CCDC171: variants seen among roughly 807,000 people sequenced by gnomAD.
CCDC171 encodes the protein coiled-coil domain containing 171, also known as coiled-coil domain-containing protein 171.
Under a neutral mutation model 168.2 loss-of-function variants are expected in CCDC171, and 177 were observed. The ratio of observed to expected loss-of-function variants is 1.05; its 90% CI spans 0.93 to 1.19. The LOEUF is 1.19. Ranked by LOEUF, CCDC171 falls within the 50% of genes most tolerant of loss-of-function variation. CCDC171 has a pLI of 0.00. For synonymous variants in CCDC171, 687 were observed against 540.8 expected (o/e 1.27, Z -3.75); for missense variants, 1,991 against 1,539.0 (o/e 1.29, Z -4.91).
intron 6 of CCDC171, among the ~76,000 whole-genome samples, chr9:15,622,363 A>C (rs1245886631): frequency 2.0e-5 from 3 of 152,218 alleles, no homozygotes; most frequent in Admixed American, 2.0e-4. Context: ...TTCACTGTGG[A>C]CTTAGGATGC....
intron 21 of CCDC171, among the ~76,000 whole-genome samples, chr9:15,831,823 T>TTTTTTTTTTTTTTTTTGAGACGG (rs2060245027): frequency 6.6e-6 from 1 of 151,872 alleles, no homozygotes; most frequent in African/African-American, 2.4e-5. Context: ...AACTGCCTTT[T>TTTTTTTTTTTTTTTTTGAGACGG]AAAAAATGTT....
intron 21 of CCDC171, among the ~76,000 whole-genome samples, chr9:15,813,793 T>C (rs1021294938): frequency 2.6e-5 from 4 of 152,220 alleles, no homozygotes; most frequent in Non-Finnish European, 4.4e-5. Context: ...ATTAGGTTTT[T>C]GTCAATTTTT....
At chr9:16,021,012 CG>C (rs1211393047) in intron 4 of CCDC171, among the ~76,000 whole-genome samples, 1 of 152,202 alleles carries the variant, frequency 6.6e-6, no homozygotes, top group African/African-American at 2.4e-5. Flanking sequence ...CAAAGACAAA[CG>C]CAAGTATTGC....
intron 20 of CCDC171, among the ~76,000 whole-genome samples, chr9:15,781,035 T>C (rs1453038040): frequency 6.6e-6 from 1 of 152,228 alleles, no homozygotes; most frequent in East Asian, 1.9e-4. Flanking sequence ...CAGTCATTTA[T>C]GCAATTTGAG....
intron 10 of CCDC171, among the ~76,000 whole-genome samples, chr9:15,692,382 C>G (rs572171826): frequency 2.7e-5 from 4 of 150,814 alleles, no homozygotes; most frequent in African/African-American, 9.7e-5. Flanking sequence ...AAAAAAAAGA[C>G]AAGTCATTTT....
chr9:15,706,004 C>A (rs2052189788), intron 11 of CCDC171, among the ~76,000 whole-genome samples: 1 of 152,140 alleles, frequency 6.6e-6, no homozygotes, highest in Non-Finnish European at 1.5e-5. Context: ...GAAAGATTGA[C>A]CTCCAGTGGA....
rs72710737 is a variant in CCDC171 at position 16,024,622 on chromosome 9, T to C, written n.998+1714T>C. Reference sequence around the variant, plus strand: ...CTACTTTCTTGGACAGGTTTGATTTTACCTTCTGCTGCATGCAGCCAGCAA... The same window carrying C: ...CTACTTTCTTGGACAGGTTTGATTTCACCTTCTGCTGCATGCAGCCAGCAA... On this transcript the variant is annotated intron_variant and non_coding_transcript_variant, in intron 6 of 9. Transcript: ENST00000486641. Among the ~76,000 whole-genome samples the C allele has an allele frequency of 3.4e-3, 519 of 152,342 alleles. 11 individuals are homozygous for C. Among genetic ancestry groups the C allele is most frequent in the East Asian group, 5.8e-4 (3 of 5,186 alleles).
At chr9:15,894,567 G>A (rs1820656725) in intron 24 of CCDC171, among the ~76,000 whole-genome samples, 1 of 151,986 alleles carries the variant, frequency 6.6e-6, no homozygotes, top group Admixed American at 6.6e-5. Context: ...GGGCCCTGCT[G>A]CTCTCCAACT....
intron 21 of CCDC171, among the ~76,000 whole-genome samples, chr9:15,842,838 A>G (rs1311510800): frequency 2.0e-5 from 3 of 151,946 alleles, no homozygotes. Flanking sequence ...CTTTAGAAAT[A>G]TAATATTATG....
chr9:15,624,281 G>A (rs563462105), intron 7 of CCDC171, among the ~76,000 whole-genome samples: 2 of 152,042 alleles, frequency 1.3e-5, no homozygotes, highest in Admixed American at 1.3e-4. Context: ...AAGGAGGCTA[G>A]GCAGAGAATA....
intron 18 of CCDC171, among the ~76,000 whole-genome samples, chr9:15,749,941 A>T (rs942166820): frequency 9.9e-5 from 15 of 152,158 alleles, no homozygotes; most frequent in African/African-American, 3.6e-4. Context: ...CAGATTCAAA[A>T]GCTAGCAGAA....
rs763667070 is a variant in CCDC171, at chr9:15,685,628, C to G, written c.1215+6732C>G. On this transcript the variant is annotated intron_variant, in intron 10 of 25. Coordinates refer to ENST00000380701, the MANE Select transcript of CCDC171 (RefSeq NM_173550.4). ...CTAGCCTGGGGCACAAAGTGAGACCCTGTCTCAAAAAAAAAGATAAATGCA... is the reference window on the plus strand; with the variant it reads ...CTAGCCTGGGGCACAAAGTGAGACCGTGTCTCAAAAAAAAAGATAAATGCA... Among the ~76,000 whole-genome samples, 67 of 151,594 alleles carry G rather than the reference C, an allele frequency of 4.4e-4. 1 individual carries two copies. Among genetic ancestry groups the G allele is most frequent in the Admixed American group, 4.3e-3 (65 of 15,216 alleles).
chr9:15,585,061 C>G (rs2041449306), intron 4 of CCDC171, among the ~76,000 whole-genome samples: 1 of 152,178 alleles, frequency 6.6e-6, no homozygotes, highest in African/African-American at 2.4e-5. Flanking sequence ...AAACACCTAT[C>G]AGGTGGCTCT....
intron 4 of CCDC171, among the ~76,000 whole-genome samples, chr9:16,021,045 G>A (rs1387474668): frequency 6.6e-6 from 1 of 152,270 alleles, no homozygotes; most frequent in East Asian, 1.9e-4. Flanking sequence ...TATGCTTTTT[G>A]CTATATTTTA....
At chr9:16,080,043 C>T in the CCDC171 span, among the ~76,000 whole-genome samples, 1 of 152,142 alleles carries the variant, frequency 6.6e-6, no homozygotes, top group Middle Eastern at 3.2e-3. Context: ...CTTCTTCTTA[C>T]AAAAAGCTGA....
At chr9:15,989,790 T>C (rs1832126007) in intron 3 of CCDC171, among the ~76,000 whole-genome samples, 2 of 152,138 alleles carry the variant, frequency 1.3e-5, no homozygotes, top group East Asian at 3.8e-4. Flanking sequence ...TGCACAAGCT[T>C]CAGTAGCTGA....
chr9:15,594,002 A>C, intron 5 of CCDC171, 39 bp from the exon 6 acceptor site: 1 of 1,430,892 alleles, frequency 7.0e-7, no homozygotes, highest in Non-Finnish European at 9.6e-7. Flanking sequence ...GATAACTTTT[A>C]TTGATCTAAC....
chr9:15,988,649 C>T (rs1457857965), intron 3 of CCDC171, among the ~76,000 whole-genome samples: 1 of 152,248 alleles, frequency 6.6e-6, no homozygotes, highest in East Asian at 1.9e-4. Flanking sequence ...ACCCGGGAAG[C>T]ACAAGGGCTC....
intron 7 of CCDC171, among the ~76,000 whole-genome samples, chr9:15,648,498 C>T (rs974228741): frequency 6.6e-6 from 1 of 152,068 alleles, no homozygotes; most frequent in East Asian, 1.9e-4. Flanking sequence ...TTTAGAAAAC[C>T]CCATCGTCTC....
Sources: gnomAD v4.1 joint callset for allele counts (sites outside exome capture counted in the v4.1 genomes callset) on GRCh38, gnomAD v4.1.1 for gene constraint, MANE v1.5 for transcripts, NCBI Gene and HGNC (gene_info 2026-07-23, HGNC 2026-07-21) for gene names.